The following DNAH8 variants were observed in gnomAD, a reference collection of about 807,000 sequenced individuals.
DNAH8 encodes dynein axonemal heavy chain 8.
Under a neutral mutation model 562.1 loss-of-function variants are expected in DNAH8, and 382 were observed. The ratio of observed to expected loss-of-function variants is 0.68; its 90% CI spans 0.63 to 0.74. The LOEUF (loss-of-function observed/expected upper bound fraction) is 0.74, where lower values mean the gene tolerates loss of function less well. Ranked by LOEUF, DNAH8 falls within the 30% of genes least tolerant of loss-of-function variation. DNAH8 has a pLI of 0.00. For missense variants in DNAH8, 5,203 were observed against 5,620.4 expected, an observed-to-expected ratio of 0.93 and a Z score of 2.37; for synonymous variants, 1,881 against 1,919.4, an observed-to-expected ratio of 0.98 and a Z score of 0.52.
At chr6:38,716,382 T>C (rs1762347161) in intron 1 of DNAH8, among the ~76,000 whole-genome samples, 4 of 152,158 alleles carry the variant, frequency 2.6e-5, no homozygotes, top group Admixed American at 2.6e-4. Flanking sequence ...ATCACTGAAT[T>C]TACCACTTTT....
chr6:38,941,936 C>T (rs9394556), intron 79 of DNAH8, among the ~76,000 whole-genome samples: 18,843 of 152,078 alleles, frequency 0.12, 1,405 homozygotes, highest in East Asian at 0.3. Flanking sequence ...CATGTGAGGC[C>T]TTTGGAAGGT....
intron 67 of DNAH8, 56 bp downstream of exon 67, chr6:38,914,008 A>G (rs1053836199): frequency 1.5e-6 from 2 of 1,338,594 alleles, no homozygotes; most frequent in East Asian, 4.8e-5. Flanking sequence ...ATTAAAATGC[A>G]TTGTTTTAAA....
intron 91 of DNAH8, among the ~76,000 whole-genome samples, chr6:39,020,190 G>A (rs533650381): frequency 6.6e-6 from 1 of 152,286 alleles, no homozygotes; most frequent in African/African-American, 2.4e-5. Flanking sequence ...TTTTACTGGA[G>A]CCAATTATGT....
chr6:38,721,766 T>A (rs2127562949), intron 1 of DNAH8, among the ~76,000 whole-genome samples: 1 of 152,306 alleles, frequency 6.6e-6, no homozygotes, highest in East Asian at 1.9e-4. Flanking sequence ...TTGTGGGGCA[T>A]AGGTGACAGG....
Position 38,946,768 on chromosome 6 carries a change from C to T in DNAH8, c.12129+1180C>T, listed in dbSNP as rs187394512. On this transcript the variant is annotated intron_variant, in intron 80 of 92. Transcript: ENST00000327475. ...GGGGTTGCAGTGAGCCGAAATTGCA[C>T]CGTTGCACTCCAGCCTGGGTGACAG... Among the ~76,000 whole-genome samples the T allele has an allele frequency of 2.6e-4, 39 of 152,114 alleles. No homozygotes were observed. The East Asian group carries it at 7.0e-3, about 27-fold the overall frequency.
intron 60 of DNAH8, among the ~76,000 whole-genome samples, chr6:38,896,610 A>C (rs1413842466): frequency 4.6e-5 from 7 of 150,792 alleles, no homozygotes; most frequent in African/African-American, 1.2e-4. Flanking sequence ...AACAAACAAA[A>C]AAACAAAAAA....
At chr6:38,888,605 A>G (rs1012206218) in intron 57 of DNAH8, among the ~76,000 whole-genome samples, 9 of 152,244 alleles carry the variant, frequency 5.9e-5, no homozygotes, top group African/African-American at 2.2e-4. Flanking sequence ...AAAAAGAGGA[A>G]GCTAAATAGC....
In DNAH8 at chr6:39,030,511, A is replaced by ACTTTTT; in HGVS notation, c.*119_*120insCTTTTT. On this transcript the variant is annotated 3_prime_UTR_variant, in exon 93 of 93. Coordinates refer to ENST00000327475, the MANE Select transcript of DNAH8 (RefSeq NM_001206927.2). ...TTCCTTAATTACTCTTTCTACATTA[A>ACTTTTT]AAAGTTGATGTTCTAAAATTGCTAG... 1 of 900,378 alleles carries ACTTTTT rather than the reference A, an allele frequency of 1.1e-6. No individual in the cohort carries two copies. The highest frequency in any genetic ancestry group is 1.7e-6 in the Non-Finnish European group (1 of 605,288). The allele number at this position is 900,378 out of a possible 1,614,324, so 55.8% of individuals were successfully genotyped here.
chr6:38,930,737 G>A (rs973672472), intron 75 of DNAH8, among the ~76,000 whole-genome samples: 3 of 152,066 alleles, frequency 2.0e-5, no homozygotes, highest in South Asian at 2.1e-4. Context: ...GGTAAAGATC[G>A]TATATATTTA....
rs1738259 is a variant in DNAH8 at position 38,778,518 on chromosome 6, A to G, written c.2039+54A>G. The G allele has an allele frequency of 0.22, 234,070 of 1,067,042 alleles. 29,118 individuals carry two copies. The highest frequency in any genetic ancestry group is 0.47 in the East Asian group (19,238 of 41,280). 66.1% of individuals were successfully genotyped at this position (1,067,042 alleles called of 1,614,324 possible). On this transcript the variant is annotated intron_variant, in intron 14 of 92. Coordinates refer to ENST00000327475, the MANE Select transcript of DNAH8 (RefSeq NM_001206927.2). ...TTCTGGGGGGAATAACTTTAAATCTAAAAATACAATTTCAAATTAGGATGT... is the reference window on the plus strand; with the variant it reads ...TTCTGGGGGGAATAACTTTAAATCTGAAAATACAATTTCAAATTAGGATGT...
intron 81 of DNAH8, among the ~76,000 whole-genome samples, chr6:38,950,427 G>T (rs1029217288): frequency 1.3e-5 from 2 of 149,890 alleles, no homozygotes; most frequent in Non-Finnish European, 3.0e-5. Flanking sequence ...CTCATAGTCC[G>T]CAGAGTATGA....
intron 70 of DNAH8, among the ~76,000 whole-genome samples, chr6:38,920,379 G>T (rs913476184): frequency 6.6e-6 from 1 of 152,110 alleles, no homozygotes; most frequent in Non-Finnish European, 1.5e-5. Context: ...CATTGAGAAT[G>T]AAAATAAGAA....
chr6:38,791,017 T>G (rs983251942), intron 20 of DNAH8, among the ~76,000 whole-genome samples: 1 of 152,148 alleles, frequency 6.6e-6, no homozygotes, highest in African/African-American at 2.4e-5. Flanking sequence ...GCTTAAATAT[T>G]AATATTAATG....
At chr6:38,973,542 T>A (rs1019244494) in intron 83 of DNAH8, 119 bp from the exon 84 acceptor site, 4 of 702,438 alleles carry the variant, frequency 5.7e-6, no homozygotes, top group South Asian at 2.5e-5. Context: ...ATATAATTTT[T>A]AAAAATGTGT....
At chr6:38,914,052 T>C (rs868834822) in intron 67 of DNAH8, 100 bp downstream of exon 67, 2 of 847,474 alleles carry the variant, frequency 2.4e-6, no homozygotes, top group Middle Eastern at 2.3e-4. Context: ...TATAAACCCA[T>C]GGACAATTCC....
rs112020536 is a variant in DNAH8 at position 38,782,622 on chromosome 6, T to C, written c.2260-382T>C. Among the ~76,000 whole-genome samples the C allele has an allele frequency of 1.1e-3, 166 of 152,290 alleles. 1 individual carries two copies. The highest frequency in any genetic ancestry group is 3.7e-3 in the African/African-American group (153 of 41,558). On this transcript the variant is annotated intron_variant, in intron 16 of 92. Coordinates refer to ENST00000327475, the MANE Select transcript of DNAH8 (RefSeq NM_001206927.2). ...TATCGTTTGATACATGGTTACCTTT[T>C]TTTGCGTGCTGGAATTTAGGAATTT...
intron 65 of DNAH8, 133 bp downstream of exon 65, chr6:38,909,877 T>C: frequency 1.2e-6 from 1 of 802,216 alleles, no homozygotes; most frequent in African/African-American, 1.7e-5. Flanking sequence ...CTTTCTTGCT[T>C]TGATTTTCTA....
At chr6:38,973,371 G>A (rs1763466493) in intron 83 of DNAH8, among the ~76,000 whole-genome samples, 1 of 152,098 alleles carries the variant, frequency 6.6e-6, no homozygotes, top group African/African-American at 2.4e-5. Context: ...ACCATTAGAT[G>A]GTGCACACAC....
chr6:39,022,635 G>T (rs1767005266), intron 91 of DNAH8, among the ~76,000 whole-genome samples: 1 of 152,252 alleles, frequency 6.6e-6, no homozygotes, highest in South Asian at 2.1e-4. Context: ...GGGATGGGCT[G>T]GCAGGGCTGC....
Sources: gnomAD v4.1 joint callset for allele counts (sites outside exome capture counted in the v4.1 genomes callset) on GRCh38, gnomAD v4.1.1 for gene constraint, MANE v1.5 for transcripts, NCBI Gene and HGNC (gene_info 2026-07-23, HGNC 2026-07-21) for gene names.